DMD: variants seen among roughly 807,000 people sequenced by gnomAD.
DMD encodes dystrophin.
DMD carries 63 observed loss-of-function variants against 330.1 expected under a neutral mutation model. The ratio of observed to expected loss-of-function variants is 0.19; its 90% CI spans 0.16 to 0.24. The LOEUF is 0.24. Ranked by LOEUF, DMD falls within the 10% of genes least tolerant of loss-of-function variation. The probability of loss-of-function intolerance (pLI) is 1.00; values close to 1 mark genes in which losing one functional copy is unlikely to be tolerated. For synonymous variants in DMD, 1,223 were observed against 959.8 expected (o/e 1.27, Z -5.07); for missense variants, 3,344 against 2,684.1 (o/e 1.25, Z -5.43).
chrX:33,181,477 G>A (rs754564626), intron 1 of DMD, among the ~76,000 whole-genome samples: 14 of 111,633 alleles, frequency 1.3e-4, no homozygotes, highest in African/African-American at 4.6e-4. Context: ...GGTAATCACT[G>A]AGCTCAGGGA....
chrX:31,293,220 T>TGTGTAGTCTGGTTTA, intron 62 of DMD, among the ~76,000 whole-genome samples: 1 of 100,851 alleles, frequency 9.9e-6, no homozygotes, highest in Non-Finnish European at 2.0e-5. Context: ...TGTGTGTGTG[T>TGTGTAGTCTGGTTTA]GTGTGTGTGT....
At chrX:31,541,488 C>A (rs5972401) in intron 55 of DMD, among the ~76,000 whole-genome samples, 1 of 84,307 alleles carries the variant, frequency 1.2e-5, no homozygotes, top group Non-Finnish European at 2.4e-5. Context: ...TCCCTCCCCC[C>A]TCCCCCCACC....
chrX:32,418,248 A>G (rs1277103059), intron 29 of DMD, among the ~76,000 whole-genome samples: 2 of 111,421 alleles, frequency 1.8e-5, no homozygotes, highest in African/African-American at 6.5e-5. Context: ...CTACTAACAC[A>G]GTCCACGAAT....
At chrX:32,672,141 A>G (rs1227646800) in intron 9 of DMD, among the ~76,000 whole-genome samples, 1 of 111,522 alleles carries the variant, frequency 9.0e-6, no homozygotes, top group Non-Finnish European at 1.9e-5. Flanking sequence ...AATTTTGAAT[A>G]TATTAGTTGT....
chrX:31,729,475 G>A (rs191156940), intron 52 of DMD, among the ~76,000 whole-genome samples, 156 bp downstream of exon 52: 37 of 112,294 alleles, frequency 3.3e-4, no homozygotes, highest in Non-Finnish European at 3.8e-5. Flanking sequence ...TTATTAAAAG[G>A]TAACATTATG....
At chrX:32,359,608 T>A (rs2097823265) in intron 37 of DMD, among the ~76,000 whole-genome samples, 1 of 111,499 alleles carries the variant, frequency 9.0e-6, no homozygotes, top group African/African-American at 3.3e-5. Flanking sequence ...CTTCAGCACT[T>A]CCCTACTCCA....
At chrX:31,805,052 C>T (rs2092243408) in intron 50 of DMD, among the ~76,000 whole-genome samples, 2 of 111,007 alleles carry the variant, frequency 1.8e-5, no homozygotes, top group Non-Finnish European at 3.8e-5. Flanking sequence ...CAGGAGGGCA[C>T]ACAGTAATCC....
chrX:32,325,873 G>A (rs774407523), intron 41 of DMD, among the ~76,000 whole-genome samples: 2 of 104,326 alleles, frequency 1.9e-5, no homozygotes, highest in South Asian at 4.3e-4. Flanking sequence ...GCTTGATCTC[G>A]GCTCACTGCA....
intron 55 of DMD, among the ~76,000 whole-genome samples, chrX:31,544,921 T>C (rs1019800022): frequency 2.7e-5 from 3 of 111,290 alleles, no homozygotes; most frequent in Non-Finnish European, 1.9e-5. Flanking sequence ...AACTGAATTA[T>C]GATTCCAAGG....
At chrX:32,815,520 T>C (rs199721589) in intron 6 of DMD, among the ~76,000 whole-genome samples, 3,150 of 78,874 alleles carry the variant, frequency 0.04, 223 homozygotes, top group African/African-American at 0.14. Context: ...TATATATATA[T>C]ACACACACAC....
At chrX:32,336,005 G>A (rs1365551507) in intron 41 of DMD, among the ~76,000 whole-genome samples, 17 of 38,074 alleles carry the variant, frequency 4.5e-4, no homozygotes, top group Non-Finnish European at 5.9e-4. Flanking sequence ...TATATATAAC[G>A]TTATATATAA....
chrX:31,629,073 T>G (rs2079007958), intron 54 of DMD, among the ~76,000 whole-genome samples: 1 of 110,619 alleles, frequency 9.0e-6, no homozygotes, highest in East Asian at 2.8e-4. Flanking sequence ...TTGTCTGCAA[T>G]GAGGAAATTA....
chrX:31,380,641 G>C (rs1402561297), intron 60 of DMD, among the ~76,000 whole-genome samples: 3 of 111,440 alleles, frequency 2.7e-5, no homozygotes, highest in Non-Finnish European at 5.6e-5. Flanking sequence ...TTCAGGATCT[G>C]CACCTTATCA....
chrX:31,910,639 T>C (rs2094536043), intron 47 of DMD, among the ~76,000 whole-genome samples: 1 of 111,854 alleles, frequency 8.9e-6, no homozygotes, highest in African/African-American at 3.3e-5. Context: ...GGGCTGAGGA[T>C]AACAGGAGGC....
chrX:32,612,737 A>G (rs184185680), intron 12 of DMD, among the ~76,000 whole-genome samples: 167 of 111,439 alleles, frequency 1.5e-3, no homozygotes, highest in African/African-American at 5.0e-3. Flanking sequence ...ACAAGTAATC[A>G]CAGTTACAAT....
chrX:32,852,162 T>C (rs759397276), intron 2 of DMD, among the ~76,000 whole-genome samples: 9 of 111,181 alleles, frequency 8.1e-5, no homozygotes, highest in Non-Finnish European at 1.5e-4. Flanking sequence ...ATAGGGACAG[T>C]AAAGATGACA....
chrX:31,162,579 C>T (rs917417072), intron 74 of DMD, among the ~76,000 whole-genome samples: 1 of 108,971 alleles, frequency 9.2e-6, no homozygotes, highest in African/African-American at 3.3e-5. Context: ...TATTGTGATT[C>T]CTAAGACACT....
intron 18 of DMD, among the ~76,000 whole-genome samples, chrX:32,503,437 AGAC>A (rs2044263151): frequency 8.9e-6 from 1 of 112,580 alleles, no homozygotes; most frequent in African/African-American, 3.2e-5. Context: ...GTAATCATCT[AGAC>A]AACACTATTT....
At chrX:32,132,993 C>CTTTTTTTTTTTTTTT (rs377615262) in intron 44 of DMD, among the ~76,000 whole-genome samples, 9 of 76,004 alleles carry the variant, frequency 1.2e-4, no homozygotes, top group African/African-American at 5.5e-4. Flanking sequence ...CTTTTCTTTT[C>CTTTTTTTTTTTTTTT]TTTTTTTTTT....
Sources: gnomAD v4.1 joint callset for allele counts (sites outside exome capture counted in the v4.1 genomes callset) on GRCh38, gnomAD v4.1.1 for gene constraint, MANE v1.5 for transcripts, NCBI Gene and HGNC (gene_info 2026-07-23, HGNC 2026-07-21) for gene names.